SLC26A4: variants seen among roughly 807,000 people sequenced by gnomAD.
SLC26A4 encodes pendrin.
Under a neutral mutation model 90.4 loss-of-function variants are expected in SLC26A4, and 93 were observed. The observed-to-expected ratio is 1.03, with a 90% CI of 0.87 to 1.22. The LOEUF is 1.22. Among genes scored for constraint, SLC26A4 ranks in the 50% most tolerant of loss-of-function variants. The pLI is 0.00. For synonymous variants in SLC26A4, 393 were observed against 354.6 expected (o/e 1.11, Z -1.22); for missense variants, 1,127 against 946.2 (o/e 1.19, Z -2.51).
chr7:107,680,383 ATAT>A (rs1330937308), intron 6 of SLC26A4, among the ~76,000 whole-genome samples: 4 of 143,294 alleles, frequency 2.8e-5, no homozygotes, highest in Non-Finnish European at 6.0e-5. Context: ...ATATAATGTT[ATAT>A]TATTATATAA....
At chr7:107,667,546 G>A (rs1325791151) in intron 3 of SLC26A4, among the ~76,000 whole-genome samples, 1 of 147,292 alleles carries the variant, frequency 6.8e-6, no homozygotes, top group Non-Finnish European at 1.5e-5. Context: ...AAGGATTACA[G>A]ACTGCTTTTA....
At chr7:107,704,186 C>A in intron 17 of SLC26A4, 145 bp from the exon 18 acceptor site, 1 of 612,808 alleles carries the variant, frequency 1.6e-6, no homozygotes, top group South Asian at 1.9e-5. Flanking sequence ...TGAAAACCTC[C>A]ATGGTTTTGC....
At chr7:107,696,077 C>A in intron 13 of SLC26A4, 38 bp downstream of exon 13, 1 of 1,103,726 alleles carries the variant, frequency 9.1e-7, no homozygotes, top group Non-Finnish European at 1.4e-6. Context: ...ATAAACAGAA[C>A]AACACACTCT....
chr7:107,704,359 T>G lies in SLC26A4; in HGVS notation c.2063T>G (p.Val688Gly). 7.1e-7 allele frequency: 1 copy of G among 1,404,636 alleles called. No homozygotes were observed. The highest frequency in any genetic ancestry group is 1.2e-5 in the South Asian group (1 of 85,416). 87.0% of individuals were successfully genotyped at this position (1,404,636 alleles called of 1,614,324 possible). ...VIVKEFQRIDVNVYFASLQDY... is the reference protein window; with the variant it reads ...VIVKEFQRIDGNVYFASLQDY... ...GTCAAAGAATTCCAAAGAATTGATG[T>G]GAATGTGTATTTTGCATCACTTCAA... is the stretch of plus-strand genomic sequence containing the variant. Residue 688 changes from valine (V) to glycine (G), a missense_variant, in exon 18 of 21, where the codon GTG becomes GGG. By Grantham distance (109) the Val-to-Gly change is moderately radical. Coordinates refer to ENST00000644269, the MANE Select transcript of SLC26A4 (RefSeq NM_000441.2).
rs577172411 is a variant in SLC26A4 at position 107,688,420 on chromosome 7, AT to A, written c.1002-626del. 2.0e-3 allele frequency among the ~76,000 whole-genome samples: 310 copies of A among 152,210 alleles called. 1 individual carries two copies. Among genetic ancestry groups the A allele is most frequent in the African/African-American group, 7.1e-3 (296 of 41,542 alleles). On this transcript the variant is annotated intron_variant, in intron 8 of 20. Coordinates refer to ENST00000644269, the MANE Select transcript of SLC26A4 (RefSeq NM_000441.2). ...ACCTCGTGGTATAATGTGTAGGTTA[AT>A]TTTTTTATATGGTTTGTAGGGTAGC...
chr7:107,695,794 T>C (rs2129317109), intron 12 of SLC26A4, 139 bp from the exon 13 acceptor site: 4 of 655,232 alleles, frequency 6.1e-6, no homozygotes, highest in South Asian at 5.0e-5. Flanking sequence ...GCCTGGGCAA[T>C]AGAGTGTGAC....
At chr7:107,685,825 G>C (rs1156380284) in intron 8 of SLC26A4, among the ~76,000 whole-genome samples, 1 of 152,114 alleles carries the variant, frequency 6.6e-6, no homozygotes, top group African/African-American at 2.4e-5. Context: ...TCCTGCCCAG[G>C]CTTCTCTTTT....
At chr7:107,708,959 G>A (rs1468136694) in intron 18 of SLC26A4, among the ~76,000 whole-genome samples, 1 of 152,208 alleles carries the variant, frequency 6.6e-6, no homozygotes, top group Non-Finnish European at 1.5e-5. Context: ...GTAGGAAAGT[G>A]CTAAGGCTTA....
intron 6 of SLC26A4, among the ~76,000 whole-genome samples, chr7:107,682,104 T>TAAAA (rs1169027377): frequency 1.2e-4 from 4 of 33,156 alleles, no homozygotes; most frequent in South Asian, 9.5e-4. Context: ...GCAAGAGAGC[T>TAAAA]AAAAAAAAAA....
At chr7:107,671,685 G>A (rs1790871064) in intron 3 of SLC26A4, among the ~76,000 whole-genome samples, 1 of 152,184 alleles carries the variant, frequency 6.6e-6, no homozygotes, top group African/African-American at 2.4e-5. Flanking sequence ...ACTGTAAATT[G>A]AGAGTATCTG....
chr7:107,662,282 G>GTACT (rs1016962772), intron 2 of SLC26A4: 1 of 158,306 alleles, frequency 6.3e-6, no homozygotes, highest in Non-Finnish European at 1.4e-5. Context: ...GGTGTGCCAA[G>GTACT]TACTTCATCA....
rs1165618920 is a variant in SLC26A4 at position 107,661,368 on chromosome 7, G to A, written c.-3-271G>A. 2 of 570,830 alleles carry A rather than the reference G, an allele frequency of 3.5e-6. No homozygotes were observed. The highest frequency in any genetic ancestry group is 6.3e-6 in the Non-Finnish European group (2 of 318,032). The allele number at this position is 570,830 out of a possible 1,614,324, so 35.4% of individuals were successfully genotyped here. A position where few individuals can be genotyped will look rare whatever the true frequency, so the allele number is the denominator to read the frequency against. On this transcript the variant is annotated intron_variant, in intron 1 of 20. Transcript: ENST00000644269. This position sits in a 1 kb window ranked among gnomAD's most constrained non-coding sequence, Gnocchi z 5.1. ...GAACTCGGGAAGCCCCCAGAGCAGG[G>A]GCTTACTCGCTTCAAGTTTGGGGAA...
At position 107,661,923 on chromosome 7, in the gene SLC26A4, AGCTGCTTCTCCCAGAG is replaced by A. The variant is rs771623841; in HGVS notation, c.164+121_164+136del. 8.5e-7 allele frequency: 1 copy of A among 1,177,864 alleles called. No homozygotes were observed. The allele number at this position is 1,177,864 out of a possible 1,614,324, so 73.0% of individuals were successfully genotyped here. On this transcript the variant is annotated intron_variant, in intron 2 of 20. Coordinates refer to ENST00000644269, the MANE Select transcript of SLC26A4 (RefSeq NM_000441.2). The surrounding 1 kb of genome is among the most constrained non-coding windows in gnomAD (Gnocchi z 5.1). ...GCGGGCGGCGGAGCCCCTGGGCGCC[AGCTGCTTCTCCCAGAG>A]GCCCGACTTTCGGTCTCCGGTCCTC...
chr7:107,679,629 C>A (rs1791122620), intron 6 of SLC26A4, among the ~76,000 whole-genome samples: 1 of 151,104 alleles, frequency 6.6e-6, no homozygotes, highest in African/African-American at 2.4e-5. Context: ...AAAATATTAT[C>A]TATTACCAAA....
intron 20 of SLC26A4, among the ~76,000 whole-genome samples, chr7:107,714,294 A>G (rs991617500): frequency 2.6e-5 from 4 of 152,180 alleles, no homozygotes; most frequent in African/African-American, 9.7e-5. Context: ...TGTCATAATC[A>G]AATCTGATAA....
intron 3 of SLC26A4, 26 bp from the exon 4 acceptor site, chr7:107,672,112 T>C (rs761749272): frequency 7.1e-7 from 1 of 1,414,496 alleles, no homozygotes; most frequent in South Asian, 1.1e-5. Flanking sequence ...GGTTTGTGAA[T>C]GTAATCACTT....
chr7:107,663,708 G>A (rs188161795), intron 3 of SLC26A4, among the ~76,000 whole-genome samples: 108 of 152,188 alleles, frequency 7.1e-4, no homozygotes, highest in Non-Finnish European at 1.4e-3. Flanking sequence ...ATTTGAGACG[G>A]GGGCTCGCTC....
chr7:107,695,884 G>C (rs1791726348), intron 12 of SLC26A4, 49 bp from the exon 13 acceptor site: 1 of 916,978 alleles, frequency 1.1e-6, no homozygotes, highest in African/African-American at 1.6e-5. Context: ...TCACATGATG[G>C]TACCTGATAC....
intron 18 of SLC26A4, among the ~76,000 whole-genome samples, chr7:107,705,885 G>A (rs946556573): frequency 3.3e-5 from 5 of 152,150 alleles, no homozygotes; most frequent in African/African-American, 7.2e-5. Context: ...GCATTCTGGC[G>A]AACTCTCTAT....
Sources: allele counts gnomAD v4.1 joint callset (sites outside exome capture counted in the v4.1 genomes callset), GRCh38; gene constraint gnomAD v4.1.1; non-coding constraint Gnocchi (gnomAD v3.1); transcripts MANE v1.5; gene names NCBI Gene and HGNC (gene_info 2026-07-23, HGNC 2026-07-21).